PARP11: variants seen among roughly 807,000 people sequenced by gnomAD.
The protein encoded by PARP11 is protein mono-ADP-ribosyltransferase PARP11.
Under a neutral mutation model 42.9 loss-of-function variants are expected in PARP11, and 31 were observed. The ratio of observed to expected loss-of-function variants is 0.72; its 90% CI spans 0.54 to 0.98. The LOEUF is 0.98. PARP11 is among the 50% of genes least tolerant of loss of function. The probability of loss-of-function intolerance (pLI) is 0.00; values close to 1 mark genes in which losing one functional copy is unlikely to be tolerated. For missense variants in PARP11, 365 were observed against 413.1 expected (o/e 0.88, Z 1.01); for synonymous variants, 137 against 127.3 (o/e 1.08, Z -0.51).
At chr12:3,866,576 ACTCT>A (rs927760017) in intron 1 of PARP11, among the ~76,000 whole-genome samples, 8 of 152,248 alleles carry the variant, frequency 5.3e-5, no homozygotes, top group African/African-American at 1.9e-4. Context: ...CATTATATTC[ACTCT>A]CTGTTGATAC....
chr12:3,860,550 C>T (rs1010271264), intron 1 of PARP11, among the ~76,000 whole-genome samples: 2 of 152,208 alleles, frequency 1.3e-5, no homozygotes, highest in African/African-American at 4.8e-5. Context: ...ATTTTGTAGC[C>T]TTAAGATTTC....
At chr12:3,813,984 A>AAG (rs1947232435) in intron 7 of PARP11, 53 bp downstream of exon 7, 5 of 1,354,720 alleles carry the variant, frequency 3.7e-6, no homozygotes, top group Non-Finnish European at 5.0e-6. Context: ...TTCCTCTAAA[A>AAG]AGAGGAAACT....
chr12:3,869,973 T>C (rs975339046), intron 1 of PARP11, among the ~76,000 whole-genome samples: 2 of 152,174 alleles, frequency 1.3e-5, no homozygotes, highest in African/African-American at 4.8e-5. Context: ...GTGGATATGC[T>C]GGACAAAGGG....
At chr12:3,836,328 AAAAC>A (rs1310063952) in intron 1 of PARP11, among the ~76,000 whole-genome samples, 3 of 149,092 alleles carry the variant, frequency 2.0e-5, no homozygotes, top group Non-Finnish European at 4.4e-5. Context: ...CATAAAGTAA[AAAAC>A]AAACAAAAAA....
intron 1 of PARP11, among the ~76,000 whole-genome samples, chr12:3,852,942 A>T (rs949198825): frequency 5.9e-5 from 9 of 152,382 alleles, no homozygotes; most frequent in Middle Eastern, 3.4e-3. Context: ...CTCTCGGCAG[A>T]AACTCTACAA....
rs564253135 is a variant in PARP11, at chr12:3,845,802, G to T, written c.19-15784C>A. Among the ~76,000 whole-genome samples the T allele has an allele frequency of 2.6e-5, 4 of 152,106 alleles. No homozygotes were observed. In the East Asian group the frequency reaches 7.7e-4, roughly 29 times the overall value. On this transcript the variant is annotated intron_variant, in intron 1 of 7. Transcript: ENST00000228820. The stretch of plus-strand genomic sequence containing the variant: ...AGCCATTTACTCTCCCACTAATTGG[G>T]ATTATTTTTTAAAAGAGGTCTTTCT...
intron 1 of PARP11, among the ~76,000 whole-genome samples, chr12:3,845,081 G>A (rs951667372): frequency 1.3e-5 from 2 of 152,198 alleles, no homozygotes; most frequent in Non-Finnish European, 2.9e-5. Context: ...TTGAAGAACA[G>A]ACTGACCAAA....
intron 1 of PARP11, chr12:3,842,464 G>A (rs1947910347): frequency 6.2e-7 from 1 of 1,606,716 alleles, no homozygotes; most frequent in Non-Finnish European, 8.5e-7. Flanking sequence ...ACCATTTAGG[G>A]GAGATAGGAG....
At chr12:3,841,027 A>C in intron 1 of PARP11, 1 of 1,584,158 alleles carries the variant, frequency 6.3e-7, no homozygotes, top group Non-Finnish European at 8.7e-7. Flanking sequence ...TCGGTCAGTG[A>C]CACAGACTTT....
chr12:3,819,254 C>T (rs1288965892), intron 6 of PARP11, among the ~76,000 whole-genome samples: 3 of 152,204 alleles, frequency 2.0e-5, no homozygotes, highest in Non-Finnish European at 4.4e-5. Flanking sequence ...CCTCAAAACT[C>T]TCTTCTTTGC....
chr12:3,826,180 G>A lies in PARP11; in HGVS notation c.322C>T (p.Pro108Ser). The A allele has an allele frequency of 6.3e-7, 1 of 1,596,664 alleles. No individual in the cohort carries two copies. Among genetic ancestry groups the A allele is most frequent in the Non-Finnish European group, 8.5e-7 (1 of 1,174,504 alleles). The change falls in exon 4 of 8, where the codon CCC becomes TCC. Residue 108 changes from proline (P) to serine (S), a missense_variant. Coordinates refer to ENST00000228820, the MANE Select transcript of PARP11 (RefSeq NM_020367.6). The stretch of plus-strand genomic sequence containing the variant: ...TACCTGAAAGCACTGATAGAAAAGG[G>A]GGCTCTTTTTATTAAGCGCTGCTTT... Reference protein sequence around the residue: ...TGKQRLIKRAPFSISAFSYIC... With the variant: ...TGKQRLIKRASFSISAFSYIC...
intron 1 of PARP11, chr12:3,839,569 T>C: frequency 2.8e-6 from 4 of 1,430,292 alleles, no homozygotes; most frequent in Non-Finnish European, 3.9e-6. Flanking sequence ...ATTTGAAGGA[T>C]ATTTAAAGCG....
At position 3,829,031 on chromosome 12, in the gene PARP11, C is replaced by CT; in HGVS notation, c.148-2dup. 1 of 1,613,656 alleles carries CT rather than the reference C, an allele frequency of 6.2e-7. No individual in the cohort carries two copies. Reference sequence around the variant, plus strand: ...CTGAACACTGACTGTTGGTATCCGGCTTTAAGACAAACCAGAAAGTTTCAT... The same window carrying CT: ...CTGAACACTGACTGTTGGTATCCGGCTTTTAAGACAAACCAGAAAGTTTCAT... On this transcript the variant is annotated splice_acceptor_variant, in intron 2 of 7. Transcript: ENST00000228820. LOFTEE classifies it high-confidence loss of function.
At chr12:3,842,104 T>C (rs368053804) in intron 1 of PARP11, 3 of 1,610,668 alleles carry the variant, frequency 1.9e-6, no homozygotes, top group Non-Finnish European at 2.5e-6. Flanking sequence ...ATTGTGCCTG[T>C]TGAACTTGAA....
intron 7 of PARP11, 70 bp from the exon 8 acceptor site, chr12:3,812,509 T>A: frequency 8.8e-7 from 1 of 1,138,526 alleles, no homozygotes; most frequent in Non-Finnish European, 1.3e-6. Context: ...CAAAAACATT[T>A]TGTCAGGAGA....
intron 1 of PARP11, chr12:3,842,258 T>C (rs894115337): frequency 2.5e-6 from 4 of 1,604,288 alleles, no homozygotes; most frequent in African/African-American, 2.7e-5. Flanking sequence ...AAAATGAAAA[T>C]GAAGTGTCAT....
At chr12:3,864,131 G>A (rs777184828) in intron 1 of PARP11, among the ~76,000 whole-genome samples, 7 of 152,148 alleles carry the variant, frequency 4.6e-5, no homozygotes, top group Non-Finnish European at 1.0e-4. Flanking sequence ...AGGCTGCTGA[G>A]AATTTTAATC....
intron 1 of PARP11, among the ~76,000 whole-genome samples, chr12:3,857,919 A>T (rs1029335711): frequency 1.2e-4 from 19 of 152,244 alleles, no homozygotes; most frequent in Non-Finnish European, 2.4e-4. Context: ...ATATTCTTGA[A>T]TAGCATGCTA....
At chr12:3,851,727 G>A (rs1948098154) in intron 1 of PARP11, among the ~76,000 whole-genome samples, 1 of 152,234 alleles carries the variant, frequency 6.6e-6, no homozygotes, top group African/African-American at 2.4e-5. Context: ...AGACTTAAAT[G>A]TCCGTGTCTG....
Sources: allele counts gnomAD v4.1 joint callset (sites outside exome capture counted in the v4.1 genomes callset), GRCh38; gene constraint gnomAD v4.1.1; transcripts MANE v1.5; gene names NCBI Gene and HGNC (gene_info 2026-07-23, HGNC 2026-07-21).